ARHGEF3: variants seen among roughly 807,000 people sequenced by gnomAD.
ARHGEF3 encodes the protein 59.8 kDA protein.
Under a neutral mutation model 63.2 loss-of-function variants are expected in ARHGEF3, and 28 were observed. The observed-to-expected ratio is 0.44, with a 90% confidence interval of 0.33 to 0.61. The LOEUF (loss-of-function observed/expected upper bound fraction) is 0.61, where lower values mean the gene tolerates loss of function less well. ARHGEF3 is among the 20% of genes least tolerant of loss of function. The probability of loss-of-function intolerance (pLI) is 0.03; values close to 1 mark genes in which losing one functional copy is unlikely to be tolerated. For synonymous variants in ARHGEF3, 266 were observed against 254.2 expected, an observed-to-expected ratio of 1.05 and a Z score of -0.44; for missense variants, 533 against 659.3, an observed-to-expected ratio of 0.81 and a Z score of 2.10.
intron 3 of ARHGEF3, among the ~76,000 whole-genome samples, chr3:56,935,451 G>A (rs2042536289): frequency 6.6e-6 from 1 of 152,186 alleles, no homozygotes; most frequent in African/African-American, 2.4e-5. Context: ...CAGTGTGGAA[G>A]CTTTGTTCTT....
intron 3 of ARHGEF3, among the ~76,000 whole-genome samples, chr3:56,948,654 A>G (rs1222774942): frequency 6.6e-6 from 1 of 152,192 alleles, no homozygotes; most frequent in Non-Finnish European, 1.5e-5. Flanking sequence ...ACCAACCAAA[A>G]AAAGTCCAGG....
At chr3:56,748,601 A>G (rs2034545337) in intron 6 of ARHGEF3, among the ~76,000 whole-genome samples, 1 of 151,648 alleles carries the variant, frequency 6.6e-6, no homozygotes, top group African/African-American at 2.4e-5. Context: ...CTGGGAATTA[A>G]AATTTAGTGA....
intron 1 of ARHGEF3, among the ~76,000 whole-genome samples, chr3:57,064,306 T>C (rs929447765): frequency 7.9e-5 from 12 of 151,692 alleles, no homozygotes; most frequent in African/African-American, 2.9e-4. Flanking sequence ...AGGAAATTCT[T>C]TCTTTTTTTT....
At chr3:56,903,892 A>T (rs2041603480) in intron 3 of ARHGEF3, among the ~76,000 whole-genome samples, 1 of 152,088 alleles carries the variant, frequency 6.6e-6, no homozygotes, top group Non-Finnish European at 1.5e-5. Flanking sequence ...TTTTGAGACA[A>T]GGTCTCACTC....
chr3:56,952,903 A>G (rs1261807920), intron 3 of ARHGEF3, among the ~76,000 whole-genome samples: 1 of 152,228 alleles, frequency 6.6e-6, no homozygotes, highest in African/African-American at 2.4e-5. Context: ...GAGGACAAGT[A>G]GGTGTCATCA....
At chr3:57,073,770 T>C in intron 1 of ARHGEF3, 1 of 1,614,222 alleles carries the variant, frequency 6.2e-7, no homozygotes, top group Non-Finnish European at 8.5e-7. Context: ...GGCACTAGAC[T>C]CTTCCAGACT....
chr3:56,805,840 A>T (rs1324666867), upstream of ARHGEF3, among the ~76,000 whole-genome samples: 1 of 152,238 alleles, frequency 6.6e-6, no homozygotes, highest in African/African-American at 2.4e-5. Flanking sequence ...ACAAAAGGAA[A>T]GATGGGAATC....
At chr3:56,870,238 A>G (rs1044126252) in intron 4 of ARHGEF3, among the ~76,000 whole-genome samples, 1 of 152,206 alleles carries the variant, frequency 6.6e-6, no homozygotes, top group Non-Finnish European at 1.5e-5. Flanking sequence ...CACTAAATTA[A>G]TGGATAAACA....
At chr3:57,021,990 G>T (rs1008152200) in intron 2 of ARHGEF3, among the ~76,000 whole-genome samples, 6 of 152,160 alleles carry the variant, frequency 3.9e-5, no homozygotes, top group Non-Finnish European at 7.3e-5. Flanking sequence ...AAAGAAGTTG[G>T]CTGGACATGG....
chr3:56,975,732 A>C (rs1262422467), intron 2 of ARHGEF3: 3 of 402,688 alleles, frequency 7.4e-6, no homozygotes. Context: ...GCCACAACAG[A>C]GGAAAGGAGA....
intron 1 of ARHGEF3, chr3:56,774,851 C>G: frequency 3.5e-6 from 2 of 566,776 alleles, no homozygotes; most frequent in Non-Finnish European, 5.4e-6. Flanking sequence ...GAGATTGCGC[C>G]ACTGCACTCC....
chr3:57,063,000 C>T (rs1705313418), intron 1 of ARHGEF3, among the ~76,000 whole-genome samples: 2 of 151,960 alleles, frequency 1.3e-5, no homozygotes, highest in African/African-American at 2.4e-5. Context: ...TATTGGATAA[C>T]GATAGTGTAA....
At position 56,744,565 on chromosome 3, in the gene ARHGEF3, A is replaced by AT. The variant is rs912038602; in HGVS notation, c.870+639dup. ...AGGCATATGCCACCTCGCCCAGCTA[A>AT]TTTTTTTTTTTTGTATTTTTAGTAG... On this transcript the variant is annotated intron_variant, in intron 7 of 9. Coordinates refer to ENST00000296315, the MANE Select transcript of ARHGEF3 (RefSeq NM_019555.3). 5.1e-3 allele frequency among the ~76,000 whole-genome samples: 742 copies of AT among 145,480 alleles called. 1 individual carries two copies. Among genetic ancestry groups the AT allele is most frequent in the Non-Finnish European group, 8.6e-3 (563 of 65,710 alleles).
At chr3:57,054,693 GAGTGCAGT>G (rs1439251571) in intron 1 of ARHGEF3, among the ~76,000 whole-genome samples, 2 of 147,906 alleles carry the variant, frequency 1.4e-5, no homozygotes, top group Non-Finnish European at 3.0e-5. Context: ...CACCAGGCTG[GAGTGCAGT>G]AGTGCAGTGG....
chr3:56,919,265 G>T (rs1216374404), intron 3 of ARHGEF3, among the ~76,000 whole-genome samples: 1 of 152,116 alleles, frequency 6.6e-6, no homozygotes, highest in South Asian at 2.1e-4. Context: ...GTACTGTATG[G>T]GCCACATAAC....
At position 56,773,822 on chromosome 3, in the gene ARHGEF3, G is replaced by T; in HGVS notation, c.97-6C>A. On this transcript the variant is annotated splice_polypyrimidine_tract_variant and splice_region_variant and intron_variant, in intron 1 of 9. Transcript: ENST00000296315. The stretch of plus-strand genomic sequence containing the variant: ...ACCCGTTTATTACTAGGCTCCTATA[G>T]AGTTAAAAAAAAAAAAAAGTAAAAT... 6.4e-7 allele frequency: 1 copy of T among 1,557,578 alleles called. No individual in the cohort carries two copies. The highest frequency in any genetic ancestry group is 8.7e-7 in the Non-Finnish European group (1 of 1,155,518).
At chr3:56,852,637 C>G (rs983712862) in intron 4 of ARHGEF3, among the ~76,000 whole-genome samples, 1 of 151,980 alleles carries the variant, frequency 6.6e-6, no homozygotes, top group Admixed American at 6.6e-5. Flanking sequence ...AGCTAGTTCT[C>G]TTTTGTTTCA....
intron 3 of ARHGEF3, among the ~76,000 whole-genome samples, chr3:56,936,644 A>C (rs1039161024): frequency 6.6e-6 from 1 of 152,246 alleles, no homozygotes; most frequent in Non-Finnish European, 1.5e-5. Flanking sequence ...TACAAGAAAT[A>C]TATAGAGCTG....
At chr3:56,810,351 C>T (rs771292208) in intron 4 of ARHGEF3, among the ~76,000 whole-genome samples, 3 of 152,064 alleles carry the variant, frequency 2.0e-5, no homozygotes, top group Non-Finnish European at 2.9e-5. Flanking sequence ...GGAGACCAGC[C>T]TGGGCAACAT....
Sources: gnomAD v4.1 joint callset for allele counts (sites outside exome capture counted in the v4.1 genomes callset) on GRCh38, gnomAD v4.1.1 for gene constraint, MANE v1.5 for transcripts, NCBI Gene and HGNC (gene_info 2026-07-23, HGNC 2026-07-21) for gene names.